The following XXYLT1 variants were observed in gnomAD, a reference collection of about 807,000 sequenced individuals.
The protein encoded by XXYLT1 is xyloside xylosyltransferase 1.
A neutral mutation model predicts 28.9 loss-of-function variants in XXYLT1; 20 were observed. That is an observed-to-expected ratio of 0.69 (90% CI 0.49 to 1.00). The LOEUF is 1.00. Ranked by LOEUF, XXYLT1 falls within the 50% of genes least tolerant of loss-of-function variation. The pLI is 0.00. For synonymous variants in XXYLT1, 257 were observed against 253.8 expected (o/e 1.01, Z -0.12); for missense variants, 542 against 560.1 (o/e 0.97, Z 0.33).
At position 195,081,106 on chromosome 3, in the gene XXYLT1, G is replaced by A. The variant is rs73890665; in HGVS notation, c.786-10995C>T. On this transcript the variant is annotated intron_variant, in intron 3 of 3. Transcript: ENST00000310380. The stretch of plus-strand genomic sequence containing the variant: ...CTGCAGGAGCCTGTCATGCTGAGGT[G>A]GGCAGCCCTTCTCAGATGTCACTGT... Among the ~76,000 whole-genome samples the A allele has an allele frequency of 9.4e-3, 1,433 of 152,298 alleles. 18 individuals are homozygous for A. The highest frequency in any genetic ancestry group is 0.033 in the African/African-American group (1,372 of 41,550).
At chr3:195,214,985 C>T (rs1723504207) in intron 2 of XXYLT1, 1 of 151,296 alleles carries the variant, frequency 6.6e-6, no homozygotes, top group Admixed American at 6.6e-5. Context: ...GGCAGAAACC[C>T]TACAAGCCAG....
At chr3:195,194,075 A>C (rs1211305601) in intron 2 of XXYLT1, among the ~76,000 whole-genome samples, 2 of 152,020 alleles carry the variant, frequency 1.3e-5, no homozygotes, top group African/African-American at 4.8e-5. Context: ...CAACATTAAA[A>C]ATTTTGTGCA....
intron 2 of XXYLT1, among the ~76,000 whole-genome samples, chr3:195,181,217 G>A (rs890927954): frequency 1.3e-5 from 2 of 152,178 alleles, no homozygotes; most frequent in Admixed American, 6.5e-5. Flanking sequence ...TGACAATGAC[G>A]GCTCCATAAA....
intron 3 of XXYLT1, among the ~76,000 whole-genome samples, chr3:195,105,139 T>C (rs1717015466): frequency 6.6e-6 from 1 of 152,186 alleles, no homozygotes; most frequent in Non-Finnish European, 1.5e-5. Context: ...AATGGTCAAA[T>C]ACTATCACAA....
At chr3:195,092,681 G>A (rs1285467157) in intron 3 of XXYLT1, among the ~76,000 whole-genome samples, 34 of 113,182 alleles carry the variant, frequency 3.0e-4, no homozygotes, top group African/African-American at 1.3e-3. Context: ...TGACAAATGG[G>A]ATCTAATTAA....
chr3:195,220,798 A>C (rs1275251451), intron 2 of XXYLT1, among the ~76,000 whole-genome samples: 1 of 152,206 alleles, frequency 6.6e-6, no homozygotes, highest in Admixed American at 6.5e-5. Context: ...CACTACCAGC[A>C]GGTTGTGTGT....
At chr3:195,241,447 T>C (rs866755838) in intron 1 of XXYLT1, among the ~76,000 whole-genome samples, 11 of 152,298 alleles carry the variant, frequency 7.2e-5, no homozygotes, top group Middle Eastern at 3.4e-3. Context: ...ACACTACCTA[T>C]TGATCTCTCC....
Position 195,180,665 on chromosome 3 carries a change from G to T in XXYLT1, c.653-24084C>A. ...GAGCACCCCGTGCCACTGCAAACGTGACCAGGAACATGGGTCTGACAGCTC... is the reference window on the plus strand; with the variant it reads ...GAGCACCCCGTGCCACTGCAAACGTTACCAGGAACATGGGTCTGACAGCTC... On this transcript the variant is annotated intron_variant, in intron 2 of 3. Coordinates refer to ENST00000310380, the MANE Select transcript of XXYLT1 (RefSeq NM_152531.5). The surrounding 1 kb of genome is among the most constrained non-coding windows in gnomAD (Gnocchi z 5.8). 1 of 528,932 alleles carries T rather than the reference G, an allele frequency of 1.9e-6. No individual in the cohort carries two copies. Among genetic ancestry groups the T allele is most frequent in the Non-Finnish European group, 2.4e-6 (1 of 413,396 alleles). The allele number at this position is 528,932 out of a possible 1,614,324, so 32.8% of individuals were successfully genotyped here. A position where few individuals can be genotyped will look rare whatever the true frequency, so the allele number is the denominator to read the frequency against.
chr3:195,122,128 T>G, intron 3 of XXYLT1: 1 of 703,026 alleles, frequency 1.4e-6, no homozygotes, highest in East Asian at 2.7e-5. Flanking sequence ...CCCAGTCTCC[T>G]CATATGGTGA....
In XXYLT1 at chr3:195,255,267, C is replaced by T. The variant is rs1438827083; in HGVS notation, c.504+15288G>A. Among the ~76,000 whole-genome samples the T allele has an allele frequency of 2.6e-5, 4 of 152,230 alleles. No homozygotes were observed. Among genetic ancestry groups the T allele is most frequent in the African/African-American group, 7.2e-5 (3 of 41,462 alleles). On this transcript the variant is annotated intron_variant, in intron 1 of 3. Coordinates refer to ENST00000310380, the MANE Select transcript of XXYLT1 (RefSeq NM_152531.5). This position sits in a 1 kb window ranked among gnomAD's most constrained non-coding sequence, Gnocchi z 4.5. Reference sequence around the variant, plus strand: ...GGCCTGGAGATCCCTGTGACAGTCACGGCAGGACTGGGGCTGCAGGAGTGC... The same window carrying T: ...GGCCTGGAGATCCCTGTGACAGTCATGGCAGGACTGGGGCTGCAGGAGTGC...
At chr3:195,159,796 T>C (rs1044549781) in intron 2 of XXYLT1, among the ~76,000 whole-genome samples, 3 of 152,166 alleles carry the variant, frequency 2.0e-5, no homozygotes, top group Non-Finnish European at 2.9e-5. Flanking sequence ...GAGGGCCACA[T>C]GCACGGCCCC....
intron 1 of XXYLT1, chr3:195,247,969 C>A (rs1725101808): frequency 3.7e-6 from 2 of 546,338 alleles, no homozygotes; most frequent in African/African-American, 1.9e-5. Context: ...TCACCTCCCA[C>A]CAGGCCCTTC....
chr3:195,259,710 G>T (rs1053203522), intron 1 of XXYLT1: 1 of 981,434 alleles, frequency 1.0e-6, no homozygotes, highest in African/African-American at 1.8e-5. Flanking sequence ...CCAGCACCAG[G>T]GCGGCCCCCG....
chr3:195,220,472 A>G (rs986076617), intron 2 of XXYLT1, among the ~76,000 whole-genome samples: 2 of 152,112 alleles, frequency 1.3e-5, no homozygotes, highest in African/African-American at 4.8e-5. Context: ...ACGACACCAT[A>G]GGGCCTCTTT....
chr3:195,168,813 T>A lies in XXYLT1; in HGVS notation c.653-12232A>T, dbSNP rs1485865768. ...AATTCAGGTCCACGGTGGCCTGTAATAACCTGCTTAGGGTCACACGGCCAG... is the reference window on the plus strand; with the variant it reads ...AATTCAGGTCCACGGTGGCCTGTAAAAACCTGCTTAGGGTCACACGGCCAG... On this transcript the variant is annotated intron_variant, in intron 2 of 3. Coordinates refer to ENST00000310380, the MANE Select transcript of XXYLT1 (RefSeq NM_152531.5). The surrounding 1 kb of genome is among the most constrained non-coding windows in gnomAD (Gnocchi z 4.3). Among the ~76,000 whole-genome samples the A allele has an allele frequency of 7.9e-5, 12 of 152,218 alleles. No individual in the cohort carries two copies. The highest frequency in any genetic ancestry group is 7.9e-4 in the Admixed American group (12 of 15,282).
rs1244976726 is a variant in XXYLT1 at position 195,180,144 on chromosome 3, CAA to C, written c.653-23565_653-23564del. ...CCCGTCATGGAAGGAGGGGAGCAAA[CAA>C]GAGGGGCAGGGAGGGAGGCAGCTGT... On this transcript the variant is annotated intron_variant, in intron 2 of 3. Coordinates refer to ENST00000310380, the MANE Select transcript of XXYLT1 (RefSeq NM_152531.5). This position sits in a 1 kb window ranked among gnomAD's most constrained non-coding sequence, Gnocchi z 5.8. Among the ~76,000 whole-genome samples the C allele has an allele frequency of 1.3e-5, 2 of 152,208 alleles. No homozygotes were observed. Among genetic ancestry groups the C allele is most frequent in the African/African-American group, 4.8e-5 (2 of 41,458 alleles).
intron 2 of XXYLT1, among the ~76,000 whole-genome samples, chr3:195,167,291 T>G (rs1721176110): frequency 6.6e-6 from 1 of 152,230 alleles, no homozygotes; most frequent in African/African-American, 2.4e-5. Context: ...CTTGTCTAAA[T>G]AAATTATTAC....
chr3:195,219,757 A>C (rs1723738617), intron 2 of XXYLT1, among the ~76,000 whole-genome samples: 1 of 152,236 alleles, frequency 6.6e-6, no homozygotes. Context: ...CAAGACAGTA[A>C]GGCCCCCATG....
intron 3 of XXYLT1, among the ~76,000 whole-genome samples, chr3:195,119,929 TGGGCG>T (rs1385164067): frequency 0.073 from 486 of 6,658 alleles, no homozygotes; most frequent in African/African-American, 0.21. Context: ...GGTCAGGGGC[TGGGCG>T]GGGCGGGGGG....
Sources: gnomAD v4.1 joint callset for allele counts (sites outside exome capture counted in the v4.1 genomes callset) on GRCh38, gnomAD v4.1.1 for gene constraint, Gnocchi (gnomAD v3.1) non-coding constraint, MANE v1.5 for transcripts, NCBI Gene and HGNC (gene_info 2026-07-23, HGNC 2026-07-21) for gene names.